Variants in COL28A1 observed in about 807,000 individuals in gnomAD.
COL28A1 encodes the protein collagen type XXVIII alpha 1 chain.
A neutral mutation model predicts 150.2 loss-of-function variants in COL28A1; 161 were observed. The ratio of observed to expected loss-of-function variants is 1.07; its 90% CI spans 0.94 to 1.22. The LOEUF is 1.22. Ranked by LOEUF, COL28A1 falls within the 50% of genes most tolerant of loss-of-function variation. COL28A1 has a pLI of 0.00. For missense variants in COL28A1, 1,617 were observed against 1,388.3 expected (o/e 1.16, Z -2.62); for synonymous variants, 552 against 469.7 (o/e 1.18, Z -2.26).
At chr7:7,441,672 A>T (rs1785802087) in intron 20 of COL28A1, among the ~76,000 whole-genome samples, 1 of 152,172 alleles carries the variant, frequency 6.6e-6, no homozygotes, top group African/African-American at 2.4e-5. Flanking sequence ...CTCCACCCAG[A>T]GTTTCTGATT....
intron 4 of COL28A1, 80 bp from the exon 5 acceptor site, chr7:7,522,041 C>T (rs1226237434): frequency 2.5e-6 from 2 of 797,428 alleles, no homozygotes; most frequent in Admixed American, 1.8e-5. Flanking sequence ...ATTTCAAATA[C>T]ATTTCAAAGT....
intron 15 of COL28A1, among the ~76,000 whole-genome samples, chr7:7,464,683 T>C (rs1009215817): frequency 5.9e-5 from 9 of 152,240 alleles, no homozygotes; most frequent in South Asian, 4.1e-4. Context: ...GGAAAGTTCA[T>C]AGCCCTAAAC....
intron 20 of COL28A1, among the ~76,000 whole-genome samples, chr7:7,442,625 C>A (rs1785900025): frequency 6.6e-6 from 1 of 152,136 alleles, no homozygotes; most frequent in African/African-American, 2.4e-5. Flanking sequence ...CACAAGACAT[C>A]AATTACTATT....
Position 7,477,139 on chromosome 7 carries a change from TA to T in COL28A1, c.1205del (p.Leu402TyrfsTer36). 2 of 1,352,026 alleles carry T rather than the reference TA, an allele frequency of 1.5e-6. No individual in the cohort carries two copies. Among genetic ancestry groups the T allele is most frequent in the Non-Finnish European group, 2.1e-6 (2 of 940,368 alleles). 83.8% of individuals were successfully genotyped at this position (1,352,026 alleles called of 1,614,324 possible). A position where few individuals can be genotyped will look rare whatever the true frequency, so the allele number is the denominator to read the frequency against. ...GPEGVPGERG[L>X]PGEGFPGPKG... ...TTGGTCCTGGAAATCCTTCTCCGGG[TA>T]AGCCCCTCTCTCCTGGTACTCCCTC... On this transcript the variant is annotated frameshift_variant, in exon 14 of 35. Coordinates refer to ENST00000399429, the MANE Select transcript of COL28A1 (RefSeq NM_001037763.3). LOFTEE classifies it high-confidence loss of function.
At chr7:7,367,322 T>G (rs1245693386) in intron 33 of COL28A1, among the ~76,000 whole-genome samples, 2 of 152,232 alleles carry the variant, frequency 1.3e-5, no homozygotes, top group Non-Finnish European at 2.9e-5. Flanking sequence ...CATTAAACGA[T>G]GCATGACTGC....
chr7:7,506,480 G>C (rs1192821969), intron 10 of COL28A1, among the ~76,000 whole-genome samples: 1 of 152,110 alleles, frequency 6.6e-6, no homozygotes, highest in Admixed American at 6.5e-5. Context: ...CCAGGCTAAA[G>C]CAAAGAAGTT....
intron 15 of COL28A1, among the ~76,000 whole-genome samples, chr7:7,463,931 G>A (rs1413117025): frequency 6.6e-6 from 1 of 151,994 alleles, no homozygotes; most frequent in Admixed American, 6.6e-5. Flanking sequence ...TAACACATAA[G>A]GACTCACTTA....
At chr7:7,408,993 T>C (rs1783637378) in intron 27 of COL28A1, among the ~76,000 whole-genome samples, 1 of 152,114 alleles carries the variant, frequency 6.6e-6, no homozygotes, top group Non-Finnish European at 1.5e-5. Flanking sequence ...TCTGAGTGAT[T>C]TGGGAGATGT....
chr7:7,426,385 T>C (rs73334111), intron 25 of COL28A1, among the ~76,000 whole-genome samples: 3,665 of 152,326 alleles, frequency 0.024, 147 homozygotes, highest in African/African-American at 0.084. Context: ...AATACCTCAC[T>C]CGTGGTAGCC....
At chr7:7,340,105 C>A in the COL28A1 span, among the ~76,000 whole-genome samples, 1 of 151,976 alleles carries the variant, frequency 6.6e-6, no homozygotes, top group Non-Finnish European at 1.5e-5. Flanking sequence ...GTTCTCCTGC[C>A]TCAGCCTCTG....
the COL28A1 span, among the ~76,000 whole-genome samples, chr7:7,348,126 G>A: frequency 6.6e-6 from 1 of 152,046 alleles, no homozygotes; most frequent in African/African-American, 2.4e-5. Context: ...TAGAAAGGGG[G>A]AGGATGATAA....
At chr7:7,533,185 G>C (rs1782465552) in intron 1 of COL28A1, among the ~76,000 whole-genome samples, 1 of 152,086 alleles carries the variant, frequency 6.6e-6, no homozygotes, top group Non-Finnish European at 1.5e-5. Context: ...GAGGAGCATA[G>C]AGTTGGGAGA....
intron 27 of COL28A1, among the ~76,000 whole-genome samples, chr7:7,413,831 T>C (rs953876005): frequency 1.3e-5 from 2 of 152,206 alleles, no homozygotes; most frequent in African/African-American, 4.8e-5. Flanking sequence ...GGCAGTGGCA[T>C]AGAAGCTAAT....
chr7:7,511,041 C>T (rs1478032363), intron 9 of COL28A1, 50 bp downstream of exon 9: 1 of 1,507,444 alleles, frequency 6.6e-7, no homozygotes, highest in South Asian at 1.1e-5. Context: ...TAAGGAAACG[C>T]AACCCAAAAG....
intron 27 of COL28A1, among the ~76,000 whole-genome samples, chr7:7,388,209 G>A (rs1226009876): frequency 6.6e-6 from 1 of 150,808 alleles, no homozygotes; most frequent in African/African-American, 2.4e-5. Context: ...TCCCCTCCCT[G>A]TACCCATGTG....
chr7:7,454,134 T>G (rs1313501023), intron 16 of COL28A1, among the ~76,000 whole-genome samples: 1 of 152,192 alleles, frequency 6.6e-6, no homozygotes, highest in Non-Finnish European at 1.5e-5. Context: ...TATTTTTCAC[T>G]CTATTTGTAA....
chr7:7,505,831 G>T (rs1359357434), intron 11 of COL28A1, among the ~76,000 whole-genome samples, 183 bp downstream of exon 11: 1 of 152,154 alleles, frequency 6.6e-6, no homozygotes, highest in Non-Finnish European at 1.5e-5. Flanking sequence ...AAATGATAAA[G>T]GTATGCTGCT....
chr7:7,401,395 C>A (rs1417574987), intron 27 of COL28A1, among the ~76,000 whole-genome samples: 1 of 152,108 alleles, frequency 6.6e-6, no homozygotes, highest in Non-Finnish European at 1.5e-5. Context: ...CCCTGAACTC[C>A]AGATTTCTAT....
chr7:7,464,452 T>C (rs1251918147), intron 15 of COL28A1, among the ~76,000 whole-genome samples: 1 of 152,184 alleles, frequency 6.6e-6, no homozygotes, highest in Non-Finnish European at 1.5e-5. Flanking sequence ...AGTGAAATTA[T>C]ACCAAGCAGT....
Sources: allele counts gnomAD v4.1 joint callset (sites outside exome capture counted in the v4.1 genomes callset), GRCh38; gene constraint gnomAD v4.1.1; transcripts MANE v1.5; gene names NCBI Gene and HGNC (gene_info 2026-07-23, HGNC 2026-07-21).